The following DISC1 variants were observed in gnomAD, a reference collection of about 807,000 sequenced individuals.
The protein encoded by DISC1 is DISC1 scaffold protein.
A neutral mutation model predicts 84.5 loss-of-function variants in DISC1; 57 were observed. That is an observed-to-expected ratio of 0.67 (90% CI 0.55 to 0.84). The LOEUF is 0.84. DISC1 is among the 40% of genes least tolerant of loss of function. DISC1 has a pLI of 0.00. For missense variants in DISC1, 1,000 were observed against 1,057.8 expected (o/e 0.95, Z 0.76); for synonymous variants, 411 against 415.2 (o/e 0.99, Z 0.12).
intron 9 of DISC1, among the ~76,000 whole-genome samples, chr1:231,856,375 A>T (rs929298183): frequency 4.6e-5 from 7 of 152,120 alleles, no homozygotes; most frequent in Non-Finnish European, 8.8e-5. Context: ...TGCCCATTAA[A>T]ATGCAGTTGG....
intron 11 of DISC1, among the ~76,000 whole-genome samples, chr1:232,015,544 C>T (rs1485307120): frequency 1.3e-5 from 2 of 152,094 alleles, no homozygotes. Flanking sequence ...TAGCACCCTG[C>T]CCCCTCATCA....
At chr1:231,734,214 A>G (rs757506690) in intron 3 of DISC1, among the ~76,000 whole-genome samples, 2 of 152,128 alleles carry the variant, frequency 1.3e-5, no homozygotes, top group Non-Finnish European at 2.9e-5. Context: ...TATAGAAACA[A>G]TGTATAGTTC....
rs189865206 is a variant in DISC1 at position 231,984,857 on chromosome 1, T to C, written c.2043-23928T>C. On this transcript the variant is annotated intron_variant, in intron 10 of 12. Transcript: ENST00000439617. ...ATTAGGGGCCGACACAAGTAAGGGG[T>C]TGGCAAGGACATGAACTGAACGGGG... Among the ~76,000 whole-genome samples, 55 of 151,796 alleles carry C rather than the reference T, an allele frequency of 3.6e-4. 2 individuals are homozygous for C. The East Asian group carries it at 0.01, about 28-fold the overall frequency.
intron 4 of DISC1, among the ~76,000 whole-genome samples, chr1:231,751,643 C>T (rs151253222): frequency 5.1e-4 from 78 of 152,322 alleles, no homozygotes; most frequent in African/African-American, 1.7e-3. Flanking sequence ...TCCCCTCTTC[C>T]AGTCCATGAC....
At position 231,698,063 on chromosome 1, in the gene DISC1, G is replaced by A. The variant is rs2065938654; in HGVS notation, c.1047+3258G>A. On this transcript the variant is annotated intron_variant, in intron 2 of 12. Transcript: ENST00000439617. This position sits in a 1 kb window ranked among gnomAD's most constrained non-coding sequence, Gnocchi z 4.9. ...AAACTTTATTCAGGCATGAGTTAGA[G>A]TGCTGTTGGCCAGAGTACAATGCTT... 6.6e-6 allele frequency among the ~76,000 whole-genome samples: 1 copy of A among 152,210 alleles called. No homozygotes were observed. Among genetic ancestry groups the A allele is most frequent in the Non-Finnish European group, 1.5e-5 (1 of 68,026 alleles).
intron 8 of DISC1, among the ~76,000 whole-genome samples, chr1:231,814,311 T>C (rs958953772): frequency 6.6e-6 from 1 of 152,186 alleles, no homozygotes; most frequent in Non-Finnish European, 1.5e-5. Flanking sequence ...GAGACAACAA[T>C]ATGAATTTCA....
Position 232,031,501 on chromosome 1 carries a change from GAAAGGAAAGGAAAGAAAGA to G in DISC1, c.2425+4972_2425+4990del, listed in dbSNP as rs921684730. Among the ~76,000 whole-genome samples the G allele has an allele frequency of 3.2e-5, 4 of 124,548 alleles. No individual in the cohort carries two copies. Among genetic ancestry groups the G allele is most frequent in the East Asian group, 2.2e-4 (1 of 4,482 alleles). 81.7% of individuals were successfully genotyped at this position (124,548 alleles called of 152,430 possible). A position where few individuals can be genotyped will look rare whatever the true frequency, so the allele number is the denominator to read the frequency against. ...GCAAAAGGGAAGGAAAGAAAGAAAGGAAAGGAAAGGAAAGAAAGAAAAGGAAAGGAAAGAAAGAAAACCC... is the reference window on the plus strand; with the variant it reads ...GCAAAAGGGAAGGAAAGAAAGAAAGGAAAGGAAAGGAAAGAAAGAAAACCC... On this transcript the variant is annotated intron_variant, in intron 12 of 12. Transcript: ENST00000439617. This position sits in a 1 kb window ranked among gnomAD's most constrained non-coding sequence, Gnocchi z 4.6.
intron 8 of DISC1, among the ~76,000 whole-genome samples, chr1:231,814,251 T>TTA (rs1459076385): frequency 3.9e-5 from 6 of 152,208 alleles, no homozygotes; most frequent in African/African-American, 1.4e-4. Context: ...ATTGTGATCT[T>TTA]CAGCAAGATA....
intron 3 of DISC1, chr1:231,721,071 A>T: frequency 7.7e-7 from 1 of 1,290,958 alleles, no homozygotes; most frequent in East Asian, 5.5e-5. Context: ...TTCCAGAGCC[A>T]GGTCTGTCCT....
rs139198441 is a variant in DISC1 at position 231,773,950 on chromosome 1, G to A, written c.1634+2880G>A. ...CTTTCAGAAACCATGAAGGCTTCATGTAGGAGGAGATCTTGGGAATGTAAG... is the reference window on the plus strand; with the variant it reads ...CTTTCAGAAACCATGAAGGCTTCATATAGGAGGAGATCTTGGGAATGTAAG... On this transcript the variant is annotated intron_variant, in intron 6 of 12. Coordinates refer to ENST00000439617, the MANE Select transcript of DISC1 (RefSeq NM_018662.3). 2.0e-3 allele frequency among the ~76,000 whole-genome samples: 302 copies of A among 152,134 alleles called. 3 individuals are homozygous for A. Among genetic ancestry groups the A allele is most frequent in the African/African-American group, 7.0e-3 (289 of 41,516 alleles).
At chr1:231,952,713 ATG>A (rs35673814) in intron 9 of DISC1, among the ~76,000 whole-genome samples, 6,391 of 130,572 alleles carry the variant, frequency 0.049, 429 homozygotes, top group African/African-American at 0.2. Context: ...ATATATATAT[ATG>A]TATATATATA....
intron 9 of DISC1, among the ~76,000 whole-genome samples, chr1:231,901,232 A>G (rs768845652): frequency 1.3e-5 from 2 of 152,184 alleles, no homozygotes; most frequent in Non-Finnish European, 2.9e-5. Flanking sequence ...AGAAACGTCA[A>G]TTTCAGAATA....
At chr1:231,874,694 G>A (rs986475564) in intron 9 of DISC1, among the ~76,000 whole-genome samples, 4 of 151,732 alleles carry the variant, frequency 2.6e-5, no homozygotes, top group African/African-American at 4.8e-5. Context: ...GGCGGATCAC[G>A]AGGTCAGGAG....
chr1:231,741,911 A>G (rs1354235156), intron 3 of DISC1, among the ~76,000 whole-genome samples: 2 of 152,154 alleles, frequency 1.3e-5, no homozygotes, highest in Admixed American at 6.5e-5. Flanking sequence ...TTGCCTGGGG[A>G]ACATCAATGA....
chr1:231,828,400 C>T (rs2082006908), intron 9 of DISC1, among the ~76,000 whole-genome samples: 3 of 152,168 alleles, frequency 2.0e-5, no homozygotes, highest in Admixed American at 2.0e-4. Context: ...GACTGAGTAA[C>T]AGTAGTGGCT....
intron 9 of DISC1, among the ~76,000 whole-genome samples, chr1:231,882,758 G>A (rs1197469378): frequency 6.6e-6 from 1 of 152,162 alleles, no homozygotes; most frequent in Admixed American, 6.5e-5. Flanking sequence ...GCCCTTGGAA[G>A]TCAGGCTGTG....
At chr1:231,795,330 G>C in intron 7 of DISC1, 34 bp downstream of exon 7, 1 of 1,591,974 alleles carries the variant, frequency 6.3e-7, no homozygotes, top group Non-Finnish European at 8.6e-7. Flanking sequence ...TTCCAAAGAA[G>C]CCTATGAAGT....
chr1:231,703,772 GT>G (rs1184464481), intron 3 of DISC1, among the ~76,000 whole-genome samples: 2 of 152,232 alleles, frequency 1.3e-5, no homozygotes, highest in Non-Finnish European at 2.9e-5. Flanking sequence ...CTTCTTTAGT[GT>G]TTCTGCCTTT....
intron 4 of DISC1, among the ~76,000 whole-genome samples, chr1:231,762,946 G>A (rs746975732): frequency 6.6e-6 from 1 of 152,156 alleles, no homozygotes; most frequent in Non-Finnish European, 1.5e-5. Context: ...AGAGAGATTA[G>A]GTAAGTGCGG....
Sources: allele counts gnomAD v4.1 joint callset (sites outside exome capture counted in the v4.1 genomes callset), GRCh38; gene constraint gnomAD v4.1.1; non-coding constraint Gnocchi (gnomAD v3.1); transcripts MANE v1.5; gene names NCBI Gene and HGNC (gene_info 2026-07-23, HGNC 2026-07-21).